EPB41L2: variants seen among roughly 807,000 people sequenced by gnomAD.
The protein encoded by EPB41L2 is band 4.1-like protein 2.
Under a neutral mutation model 113.0 loss-of-function variants are expected in EPB41L2, and 43 were observed. The observed-to-expected ratio is 0.38, with a 90% CI of 0.30 to 0.49. The LOEUF is 0.49. Ranked by LOEUF, EPB41L2 falls within the 20% of genes least tolerant of loss-of-function variation. EPB41L2 has a pLI of 0.95. For synonymous variants in EPB41L2, 442 were observed against 436.7 expected (o/e 1.01, Z -0.15); for missense variants, 1,147 against 1,223.4 (o/e 0.94, Z 0.93).
rs372120514 is a variant in EPB41L2 at position 130,875,729 on chromosome 6, T to C, written c.2043+2375A>G. Among the ~76,000 whole-genome samples, 72 of 152,246 alleles carry C rather than the reference T, an allele frequency of 4.7e-4. 2 individuals carry two copies. In the South Asian group the frequency reaches 0.015, roughly 31 times the overall value. On this transcript the variant is annotated intron_variant, in intron 14 of 19. Transcript: ENST00000337057. ...TTTTCTAATCACCAGCCGGGTGTGG[T>C]GGCTCACGCCTGTAATCCTAGCACT...
At chr6:130,865,817 C>A (rs1783569698) in intron 16 of EPB41L2, 183 bp from the exon 17 acceptor site, 1 of 571,812 alleles carries the variant, frequency 1.7e-6, no homozygotes, top group Non-Finnish European at 3.1e-6. Context: ...AGGCTAGGTG[C>A]ACATGGAGAA....
intron 19 of EPB41L2, among the ~76,000 whole-genome samples, chr6:130,841,518 G>T (rs1206131167): frequency 6.6e-6 from 1 of 152,248 alleles, no homozygotes; most frequent in Non-Finnish European, 1.5e-5. Flanking sequence ...AGGAACAACA[G>T]TCAGGAGACC....
intron 1 of EPB41L2, among the ~76,000 whole-genome samples, chr6:131,059,025 A>G (rs564456222): frequency 3.9e-5 from 6 of 152,304 alleles, no homozygotes; most frequent in Non-Finnish European, 7.4e-5. Flanking sequence ...CAAAAACAAA[A>G]TAAAAACAAC....
intron 10 of EPB41L2, among the ~76,000 whole-genome samples, chr6:130,891,818 C>G (rs1423479204): frequency 6.6e-6 from 1 of 152,134 alleles, no homozygotes; most frequent in Non-Finnish European, 1.5e-5. Flanking sequence ...ATTAATAGAT[C>G]TGTTTACAGA....
At chr6:130,949,780 C>A (rs944009117) in intron 3 of EPB41L2, among the ~76,000 whole-genome samples, 8 of 152,104 alleles carry the variant, frequency 5.3e-5, no homozygotes, top group African/African-American at 1.9e-4. Context: ...GACAGCAAGA[C>A]CAGTCCCTCC....
At chr6:130,902,245 T>C (rs942581166) in intron 6 of EPB41L2, among the ~76,000 whole-genome samples, 1 of 152,170 alleles carries the variant, frequency 6.6e-6, no homozygotes, top group Non-Finnish European at 1.5e-5. Context: ...TAGGGCCCAA[T>C]CCTCTTCCTG....
intron 4 of EPB41L2, among the ~76,000 whole-genome samples, chr6:130,911,523 T>C (rs901703495): frequency 2.0e-5 from 3 of 151,082 alleles, no homozygotes; most frequent in Non-Finnish European, 2.9e-5. Flanking sequence ...AGTACAATAA[T>C]AATAAAAAAA....
At chr6:130,865,485 TTCTG>T (rs1158828834) in intron 17 of EPB41L2, 47 bp downstream of exon 17, 1 of 1,540,890 alleles carries the variant, frequency 6.5e-7, no homozygotes, top group South Asian at 1.1e-5. Flanking sequence ...TCAGAAAAGA[TTCTG>T]TCTGTAATGT....
intron 2 of EPB41L2, 26 bp from the exon 3 acceptor site, chr6:130,955,343 A>G (rs1817069899): frequency 1.2e-6 from 2 of 1,605,778 alleles, no homozygotes; most frequent in Non-Finnish European, 8.5e-7. Flanking sequence ...AAATAAATTC[A>G]TACTATAGTC....
chr6:130,918,455 T>C (rs1801821426), intron 4 of EPB41L2, among the ~76,000 whole-genome samples: 1 of 152,168 alleles, frequency 6.6e-6, no homozygotes, highest in Non-Finnish European at 1.5e-5. Context: ...CATTTAGACA[T>C]GAATACAAGA....
intron 1 of EPB41L2, among the ~76,000 whole-genome samples, chr6:130,967,174 A>G (rs73774336): frequency 0.026 from 4,001 of 152,248 alleles, 185 homozygotes; most frequent in African/African-American, 0.092. Flanking sequence ...AGCCTTACCG[A>G]ACCTGTGGAC....
intron 1 of EPB41L2, among the ~76,000 whole-genome samples, chr6:130,965,067 C>A (rs1275784541): frequency 1.3e-5 from 2 of 152,168 alleles, no homozygotes; most frequent in East Asian, 3.9e-4. Context: ...GCAGCATGTT[C>A]TAATGGACCA....
chr6:130,876,716 C>T (rs1344146182), intron 14 of EPB41L2: 7 of 1,304,034 alleles, frequency 5.4e-6, no homozygotes, highest in East Asian at 1.1e-4. Context: ...TCCATATTGT[C>T]GGCATCAGGT....
intron 1 of EPB41L2, chr6:130,978,833 T>G (rs1778722630): frequency 6.6e-6 from 1 of 152,168 alleles, no homozygotes; most frequent in Non-Finnish European, 1.5e-5. Context: ...ACAGACTTGA[T>G]GAAGGAAGAA....
chr6:130,979,448 T>TTG (rs1048558717), intron 1 of EPB41L2, among the ~76,000 whole-genome samples: 1 of 146,644 alleles, frequency 6.8e-6, no homozygotes, highest in African/African-American at 2.5e-5. Flanking sequence ...TGAGCCAAGA[T>TTG]TGTGCCACTG....
chr6:130,952,297 A>G (rs1052598516), intron 3 of EPB41L2, among the ~76,000 whole-genome samples: 3 of 151,422 alleles, frequency 2.0e-5, no homozygotes, highest in Non-Finnish European at 4.4e-5. Context: ...CAATTCCGCC[A>G]CTAGGTATCT....
At chr6:131,050,067 G>A (rs72987891) in intron 1 of EPB41L2, among the ~76,000 whole-genome samples, 20,219 of 152,188 alleles carry the variant, frequency 0.13, 1,427 homozygotes, top group Admixed American at 0.16. Flanking sequence ...GACCGGGTGC[G>A]GTGGCTCACA....
chr6:130,980,713 T>C (rs968241943), intron 1 of EPB41L2, among the ~76,000 whole-genome samples: 1 of 152,158 alleles, frequency 6.6e-6, no homozygotes, highest in Non-Finnish European at 1.5e-5. Context: ...AACTAAACTC[T>C]GAAACGGGGC....
At chr6:130,980,600 A>G (rs1336351363) in intron 1 of EPB41L2, among the ~76,000 whole-genome samples, 1 of 152,106 alleles carries the variant, frequency 6.6e-6, no homozygotes, top group African/African-American at 2.4e-5. Flanking sequence ...ACAACTTTGG[A>G]GCATTTTGTT....
Sources: allele counts gnomAD v4.1 joint callset (sites outside exome capture counted in the v4.1 genomes callset), GRCh38; gene constraint gnomAD v4.1.1; transcripts MANE v1.5; gene names NCBI Gene and HGNC (gene_info 2026-07-23, HGNC 2026-07-21).